PARN: variants seen among roughly 807,000 people sequenced by gnomAD.
The protein encoded by PARN is poly(A)-specific ribonuclease PARN.
In PARN, 71 loss-of-function variants were observed where a neutral mutation model predicts 102.8. The ratio of observed to expected loss-of-function variants is 0.69; its 90% CI spans 0.57 to 0.84. The LOEUF (loss-of-function observed/expected upper bound fraction) is 0.84, where lower values mean the gene tolerates loss of function less well. Among genes scored for constraint, PARN ranks in the 40% least tolerant of loss-of-function variants. The probability of loss-of-function intolerance (pLI) is 0.00; values close to 1 mark genes in which losing one functional copy is unlikely to be tolerated. For missense variants in PARN, 782 were observed against 760.9 expected (o/e 1.03, Z -0.33); for synonymous variants, 261 against 252.9 (o/e 1.03, Z -0.30).
At chr16:14,625,063 C>T (rs1187920981) in intron 5 of PARN, among the ~76,000 whole-genome samples, 1 of 152,014 alleles carries the variant, frequency 6.6e-6, no homozygotes, top group Non-Finnish European at 1.5e-5. Flanking sequence ...TTGCCACCCT[C>T]TGCTTTTGTT....
rs77947630 is a variant in PARN at position 14,567,523 on chromosome 16, C to T, written c.1263-11814G>A. On this transcript the variant is annotated intron_variant, in intron 18 of 23. Coordinates refer to ENST00000437198, the MANE Select transcript of PARN (RefSeq NM_002582.4). ...CCCATTTTTGGTAAAAGCTGCAGGG[C>T]ACAGGATATCATCTTTTAAAAGATT... Among the ~76,000 whole-genome samples, 59 of 152,304 alleles carry T rather than the reference C, an allele frequency of 3.9e-4. 1 individual carries two copies. The East Asian group carries it at 0.011, about 28-fold the overall frequency.
chr16:14,532,107 A>T (rs1244410730), intron 21 of PARN, among the ~76,000 whole-genome samples: 2 of 152,108 alleles, frequency 1.3e-5, no homozygotes, highest in Admixed American at 6.6e-5. Context: ...GCTTTAACCA[A>T]GAATAAATAA....
Position 14,482,672 on chromosome 16 carries a change from AG to A in PARN, c.1635del (p.Tyr546ThrfsTer19). ...CGGTAATAGTGATTCTGCAGGGTGT[AG>A]GGTATGCACTGGGGGTTTAACCGTT... ...DSKRLNPQCI[P>X]YTLQNHYYRN... On this transcript the variant is annotated frameshift_variant, in exon 22 of 24. Coordinates refer to ENST00000437198, the MANE Select transcript of PARN (RefSeq NM_002582.4). LOFTEE classifies it high-confidence loss of function. 1 of 1,613,322 alleles carries A rather than the reference AG, an allele frequency of 6.2e-7. No homozygotes were observed. Among genetic ancestry groups the A allele is most frequent in the Non-Finnish European group, 8.5e-7 (1 of 1,179,606 alleles).
intron 6 of PARN, among the ~76,000 whole-genome samples, chr16:14,611,641 A>G (rs1971525208): frequency 6.6e-6 from 1 of 152,152 alleles, no homozygotes; most frequent in Non-Finnish European, 1.5e-5. Flanking sequence ...CCCAGGTTCA[A>G]GCAATTCTTC....
chr16:14,560,488 C>T (rs186297218), intron 18 of PARN, among the ~76,000 whole-genome samples: 2 of 152,252 alleles, frequency 1.3e-5, no homozygotes, highest in East Asian at 3.9e-4. Flanking sequence ...AATTAAAATT[C>T]CCATTAAATA....
chr16:14,508,041 C>A (rs894201788), intron 21 of PARN, among the ~76,000 whole-genome samples: 3 of 152,126 alleles, frequency 2.0e-5, no homozygotes, highest in Non-Finnish European at 2.9e-5. Context: ...AGAATGTTAT[C>A]ATAATTATTT....
Position 14,591,323 on chromosome 16 carries a change from G to A in PARN, c.918+1978C>T, listed in dbSNP as rs189461054. ...GGGGAAACACTTGAACCTCGGAGGCGGAGGTTGCAGTGAGCCGAGATTGCA... is the reference window on the plus strand; with the variant it reads ...GGGGAAACACTTGAACCTCGGAGGCAGAGGTTGCAGTGAGCCGAGATTGCA... On this transcript the variant is annotated intron_variant, in intron 13 of 23. Transcript: ENST00000437198. Among the ~76,000 whole-genome samples, 22 of 151,916 alleles carry A rather than the reference G, an allele frequency of 1.4e-4. No individual in the cohort carries two copies. The East Asian group carries it at 2.1e-3, about 15-fold the overall frequency.
chr16:14,456,422 C>T (rs967719015), intron 22 of PARN, among the ~76,000 whole-genome samples: 4 of 152,090 alleles, frequency 2.6e-5, no homozygotes, highest in Non-Finnish European at 4.4e-5. Flanking sequence ...GATCCTCCCT[C>T]CTTGGTCCCC....
intron 21 of PARN, among the ~76,000 whole-genome samples, chr16:14,522,072 G>A (rs1171397900): frequency 1.3e-5 from 2 of 152,262 alleles, no homozygotes; most frequent in South Asian, 2.1e-4. Context: ...TTCACACAAC[G>A]AAAATGCCTA....
intron 18 of PARN, among the ~76,000 whole-genome samples, chr16:14,575,556 T>C (rs1303535335): frequency 2.0e-5 from 3 of 152,322 alleles, no homozygotes; most frequent in Non-Finnish European, 2.9e-5. Flanking sequence ...CCATTTGGAA[T>C]GGCTGTATTT....
intron 21 of PARN, among the ~76,000 whole-genome samples, chr16:14,532,624 C>G (rs927695379): frequency 6.6e-6 from 1 of 152,028 alleles, no homozygotes; most frequent in Non-Finnish European, 1.5e-5. Flanking sequence ...CCTTTCCCCC[C>G]TTTCTACTCC....
chr16:14,582,088 C>A, intron 17 of PARN, 93 bp downstream of exon 17: 2 of 827,740 alleles, frequency 2.4e-6, no homozygotes, highest in South Asian at 2.8e-5. Flanking sequence ...GCCCCACACT[C>A]GACAGTAATT....
chr16:14,443,643 T>C (rs1251647899), intron 23 of PARN, among the ~76,000 whole-genome samples: 1 of 152,250 alleles, frequency 6.6e-6, no homozygotes, highest in Non-Finnish European at 1.5e-5. Flanking sequence ...CCGGTAAGAT[T>C]AAATTTTAAA....
intron 18 of PARN, chr16:14,578,759 T>C (rs898035420): frequency 2.0e-5 from 3 of 152,138 alleles, no homozygotes; most frequent in East Asian, 1.9e-4. Flanking sequence ...CCTTTACAGA[T>C]TGGAAAAAAA....
chr16:14,544,136 G>A (rs1966859665), intron 21 of PARN, among the ~76,000 whole-genome samples: 1 of 151,882 alleles, frequency 6.6e-6, no homozygotes, highest in Admixed American at 6.6e-5. Context: ...AGGTTGCGGT[G>A]AGCCAAGATC....
intron 21 of PARN, among the ~76,000 whole-genome samples, chr16:14,486,576 T>A (rs1963711666): frequency 6.6e-6 from 1 of 152,214 alleles, no homozygotes; most frequent in Admixed American, 6.5e-5. Flanking sequence ...GCGAGGGGAT[T>A]TATCTGAGCA....
chr16:14,498,410 T>C (rs185263940), intron 21 of PARN, among the ~76,000 whole-genome samples: 2 of 152,296 alleles, frequency 1.3e-5, no homozygotes, highest in South Asian at 2.1e-4. Flanking sequence ...TCCCTTGCCA[T>C]GCTCCTAGCA....
At chr16:14,589,993 G>A (rs1394483993) in intron 13 of PARN, among the ~76,000 whole-genome samples, 1 of 152,066 alleles carries the variant, frequency 6.6e-6, no homozygotes, top group Non-Finnish European at 1.5e-5. Flanking sequence ...GCTCACACCT[G>A]TAATCCCAGT....
chr16:14,603,772 C>T (rs1274398018), intron 11 of PARN, among the ~76,000 whole-genome samples: 1 of 152,186 alleles, frequency 6.6e-6, no homozygotes, highest in African/African-American at 2.4e-5. Context: ...AGCATGTCAT[C>T]CTCATCTGTC....
Sources: allele counts gnomAD v4.1 joint callset (sites outside exome capture counted in the v4.1 genomes callset), GRCh38; gene constraint gnomAD v4.1.1; transcripts MANE v1.5; gene names NCBI Gene and HGNC (gene_info 2026-07-23, HGNC 2026-07-21).